Variants in VAV1 observed in about 807,000 individuals in gnomAD.
VAV1 encodes proto-oncogene vav.
VAV1 carries 33 observed loss-of-function variants against 128.1 expected under a neutral mutation model. The observed-to-expected ratio is 0.26, with a 90% CI of 0.20 to 0.34. The LOEUF (loss-of-function observed/expected upper bound fraction) is 0.34. Among genes scored for constraint, VAV1 ranks in the 10% least tolerant of loss-of-function variants. The probability of loss-of-function intolerance (pLI) is 1.00; values close to 1 mark genes in which losing one functional copy is unlikely to be tolerated. For synonymous variants in VAV1, 394 were observed against 409.8 expected, an observed-to-expected ratio of 0.96 and a Z score of 0.47; for missense variants, 715 against 1,093.7, an observed-to-expected ratio of 0.65 and a Z score of 4.88.
In VAV1 at chr19:6,832,689, T is replaced by C. The variant is rs145547215; in HGVS notation, c.1508+489T>C. The stretch of plus-strand genomic sequence containing the variant: ...CCTCCTCTTCCTCCTCTTCTTTCTC[T>C]TCCTCCTCCCTTTCCTCCTCTTCCT... On this transcript the variant is annotated intron_variant, in intron 15 of 26. Coordinates refer to ENST00000602142, the MANE Select transcript of VAV1 (RefSeq NM_005428.4). 9.4e-3 allele frequency among the ~76,000 whole-genome samples: 1,378 copies of C among 146,806 alleles called. 16 individuals carry two copies. The highest frequency in any genetic ancestry group is 0.032 in the African/African-American group (1,297 of 40,050).
chr19:6,820,034 G>T lies in VAV1; in HGVS notation c.205-668G>T, dbSNP rs1483208570. Reference sequence around the variant, plus strand: ...GGCTCATGAAATAAAAAAGTTTAGGGATGGCCAGGCATGGTGGCTCCCACC... The same window carrying T: ...GGCTCATGAAATAAAAAAGTTTAGGTATGGCCAGGCATGGTGGCTCCCACC... On this transcript the variant is annotated intron_variant, in intron 1 of 26. Coordinates refer to ENST00000602142, the MANE Select transcript of VAV1 (RefSeq NM_005428.4). This position sits in a 1 kb window ranked among gnomAD's most constrained non-coding sequence, Gnocchi z 4.4. 6.6e-6 allele frequency among the ~76,000 whole-genome samples: 1 copy of T among 152,114 alleles called. No homozygotes were observed. Among genetic ancestry groups the T allele is most frequent in the Non-Finnish European group, 1.5e-5 (1 of 68,020 alleles).
chr19:6,776,466 A>T (rs1486553853), intron 1 of VAV1, among the ~76,000 whole-genome samples: 1 of 143,670 alleles, frequency 7.0e-6, no homozygotes, highest in Non-Finnish European at 1.5e-5. Context: ...CCACCCACCC[A>T]TCCATCCATC....
At chr19:6,808,438 C>T (rs921409257) in intron 1 of VAV1, among the ~76,000 whole-genome samples, 1 of 152,154 alleles carries the variant, frequency 6.6e-6, no homozygotes, top group East Asian at 1.9e-4. Context: ...TAGCAGAGAA[C>T]CAAAGTAACA....
intron 22 of VAV1, among the ~76,000 whole-genome samples, chr19:6,846,007 A>G (rs1053842210): frequency 8.1e-5 from 12 of 148,782 alleles, no homozygotes; most frequent in African/African-American, 2.9e-4. Context: ...TTTATATATT[A>G]CATATTTACA....
At chr19:6,789,396 G>A (rs972338415) in intron 1 of VAV1, among the ~76,000 whole-genome samples, 2 of 151,872 alleles carry the variant, frequency 1.3e-5, no homozygotes, top group African/African-American at 2.4e-5. Context: ...GGGACTATAG[G>A]TGCCCACCAC....
chr19:6,805,241 A>G (rs1436468078), intron 1 of VAV1, among the ~76,000 whole-genome samples: 1 of 151,838 alleles, frequency 6.6e-6, no homozygotes, highest in Non-Finnish European at 1.5e-5. Context: ...CCTGGCCAAC[A>G]TGGTGAAACC....
chr19:6,799,461 C>T (rs1281356650), intron 1 of VAV1, among the ~76,000 whole-genome samples: 2 of 152,162 alleles, frequency 1.3e-5, no homozygotes, highest in Admixed American at 1.3e-4. Flanking sequence ...AGCCACCATG[C>T]CCGGCCTATA....
rs1469211251 is a variant in VAV1 at position 6,826,555 on chromosome 19, C to T, written c.828-57C>T. 3 of 1,373,148 alleles carry T rather than the reference C, an allele frequency of 2.2e-6. No individual in the cohort carries two copies. The highest frequency in any genetic ancestry group is 3.0e-6 in the Non-Finnish European group (3 of 988,236). The allele number at this position is 1,373,148 out of a possible 1,614,324, so 85.1% of individuals were successfully genotyped here. A position where few individuals can be genotyped will look rare whatever the true frequency, so the allele number is the denominator to read the frequency against. Reference sequence around the variant, plus strand: ...GAGCAAGGCCAGGGCTGACGCCAGCCTCTGCCCGACCTTGATGCCAGTCAC... The same window carrying T: ...GAGCAAGGCCAGGGCTGACGCCAGCTTCTGCCCGACCTTGATGCCAGTCAC... On this transcript the variant is annotated intron_variant, in intron 8 of 26. Transcript: ENST00000602142. This position sits in a 1 kb window ranked among gnomAD's most constrained non-coding sequence, Gnocchi z 4.1.
intron 1 of VAV1, among the ~76,000 whole-genome samples, chr19:6,805,992 A>G (rs1299772223): frequency 6.6e-6 from 1 of 152,098 alleles, no homozygotes; most frequent in Non-Finnish European, 1.5e-5. Flanking sequence ...GGCAGTGGCT[A>G]TGCTCCCAAG....
chr19:6,843,399 CGAT>C (rs1178285584), intron 22 of VAV1, among the ~76,000 whole-genome samples: 1 of 151,898 alleles, frequency 6.6e-6, no homozygotes, highest in Non-Finnish European at 1.5e-5. Flanking sequence ...ATGATGATGA[CGAT>C]GATGACAATG....
At chr19:6,839,866 A>G (rs1003731616) in intron 21 of VAV1, among the ~76,000 whole-genome samples, 7 of 150,748 alleles carry the variant, frequency 4.6e-5, no homozygotes, top group African/African-American at 1.7e-4. Flanking sequence ...AATTTTTTGT[A>G]TTTTTCGTAG....
intron 1 of VAV1, among the ~76,000 whole-genome samples, chr19:6,789,997 G>A (rs1419554362): frequency 1.3e-5 from 2 of 152,024 alleles, no homozygotes; most frequent in Non-Finnish European, 2.9e-5. Flanking sequence ...CCAACATGGT[G>A]AAACCCCATC....
chr19:6,798,151 C>T (rs940382419), intron 1 of VAV1, among the ~76,000 whole-genome samples: 1 of 151,906 alleles, frequency 6.6e-6, no homozygotes, highest in Non-Finnish European at 1.5e-5. Flanking sequence ...GTGGCACGCA[C>T]CTATAATCCC....
intron 1 of VAV1, among the ~76,000 whole-genome samples, chr19:6,811,160 C>T (rs1159019322): frequency 1.3e-5 from 2 of 152,086 alleles, no homozygotes; most frequent in African/African-American, 4.8e-5. Context: ...CTCAGCTTCT[C>T]AAGTAGCTGG....
chr19:6,807,877 G>T (rs1363204342), intron 1 of VAV1, among the ~76,000 whole-genome samples: 1 of 150,802 alleles, frequency 6.6e-6, no homozygotes, highest in Non-Finnish European at 1.5e-5. Context: ...TGTAATCCCA[G>T]CTACTCAGGA....
At chr19:6,831,767 C>G (rs1288097192) in intron 14 of VAV1, among the ~76,000 whole-genome samples, 3 of 152,140 alleles carry the variant, frequency 2.0e-5, no homozygotes, top group African/African-American at 7.2e-5. Context: ...GTCTGTTTCT[C>G]AGCAGGTGCT....
chr19:6,785,633 G>A (rs1475248861), intron 1 of VAV1, among the ~76,000 whole-genome samples: 3 of 148,692 alleles, frequency 2.0e-5, no homozygotes, highest in African/African-American at 7.4e-5. Flanking sequence ...CACATGGTCA[G>A]TGGCCAGGTT....
At chr19:6,847,742 A>C (rs2144822223) in intron 22 of VAV1, among the ~76,000 whole-genome samples, 1 of 152,100 alleles carries the variant, frequency 6.6e-6, no homozygotes, top group Admixed American at 6.5e-5. Context: ...AGCCAGACCC[A>C]AAGGGCTGAG....
chr19:6,808,290 A>T (rs8102009), intron 1 of VAV1, among the ~76,000 whole-genome samples: 135,951 of 151,782 alleles, frequency 0.9, 61,140 homozygotes, highest in Non-Finnish European at 0.93. Flanking sequence ...CCAGCCTGGG[A>T]GACAAGAGTG....
Sources: gnomAD v4.1 joint callset for allele counts (sites outside exome capture counted in the v4.1 genomes callset) on GRCh38, gnomAD v4.1.1 for gene constraint, Gnocchi (gnomAD v3.1) non-coding constraint, MANE v1.5 for transcripts, NCBI Gene and HGNC (gene_info 2026-07-23, HGNC 2026-07-21) for gene names.